ZSWIM9: variants seen among roughly 807,000 people sequenced by gnomAD.
ZSWIM9 encodes zinc finger SWIM-type containing 9.
ZSWIM9 carries 11 observed loss-of-function variants against 25.0 expected under a neutral mutation model. The observed-to-expected ratio is 0.44, with a 90% CI of 0.28 to 0.73. The LOEUF is 0.73. Among genes scored for constraint, ZSWIM9 ranks in the 30% least tolerant of loss-of-function variants. The pLI, the probability that ZSWIM9 is intolerant of heterozygous loss-of-function variation, is 0.16. For synonymous variants in ZSWIM9, 562 were observed against 582.1 expected, an observed-to-expected ratio of 0.97 and a Z score of 0.50; for missense variants, 1,070 against 1,296.5, an observed-to-expected ratio of 0.83 and a Z score of 2.68.
chr19:48,183,773 A>G (rs952941914), intron 3 of ZSWIM9, among the ~76,000 whole-genome samples: 29 of 148,282 alleles, frequency 2.0e-4, no homozygotes, highest in South Asian at 2.1e-4. Flanking sequence ...AGCAGCTGGG[A>G]CAACAGGCGT....
At position 48,171,813 on chromosome 19, in the gene ZSWIM9, C is replaced by G; in HGVS notation, c.11C>G (p.Pro4Arg). The G allele has an allele frequency of 6.5e-7, 1 of 1,532,406 alleles. No individual in the cohort carries two copies. The highest frequency in any genetic ancestry group is 8.7e-7 in the Non-Finnish European group (1 of 1,145,456). 94.9% of individuals were successfully genotyped at this position (1,532,406 alleles called of 1,614,324 possible). Residue 4 changes from proline to arginine, a missense_variant, in exon 2 of 4, where the codon CCG becomes CGG. Coordinates refer to ENST00000614654, the MANE Select transcript of ZSWIM9 (RefSeq NM_199341.4). MER[P>R]EPPPGTAAGQ... ...ACGCAGGCCCCCAGGATGGAGCGGC[C>G]GGAGCCCCCACCCGGCACGGCTGCG...
intron 3 of ZSWIM9, among the ~76,000 whole-genome samples, chr19:48,190,860 AT>A (rs1212855217): frequency 6.6e-6 from 1 of 152,146 alleles, no homozygotes; most frequent in African/African-American, 2.4e-5. Flanking sequence ...ACATGAAGCC[AT>A]TTTGGGGTGT....
In ZSWIM9 at chr19:48,196,974, G is replaced by T. The variant is rs1328797962; in HGVS notation, c.*147G>T. 1 of 810,984 alleles carries T rather than the reference G, an allele frequency of 1.2e-6. No homozygotes were observed. Among genetic ancestry groups the T allele is most frequent in the Non-Finnish European group, 1.7e-6 (1 of 576,708 alleles). 50.2% of individuals were successfully genotyped at this position (810,984 alleles called of 1,614,324 possible). The stretch of plus-strand genomic sequence containing the variant: ...TCCAGGGACCTCCTCATGGCAGTTT[G>T]CCTCTCTGGGTCCAAGGGCAAGCTG... On this transcript the variant is annotated 3_prime_UTR_variant, in exon 4 of 4. Coordinates refer to ENST00000614654, the MANE Select transcript of ZSWIM9 (RefSeq NM_199341.4).
At chr19:48,180,208 G>T (rs544983512) in intron 2 of ZSWIM9, among the ~76,000 whole-genome samples, 3 of 152,046 alleles carry the variant, frequency 2.0e-5, no homozygotes, top group Admixed American at 6.6e-5. Flanking sequence ...TAGAGACCGC[G>T]TTTCTCCATG....
chr19:48,193,359 G>GGATGTATT (rs1453565901), intron 3 of ZSWIM9, among the ~76,000 whole-genome samples: 1 of 152,218 alleles, frequency 6.6e-6, no homozygotes, highest in Non-Finnish European at 1.5e-5. Flanking sequence ...CACTCACTCA[G>GGATGTATT]GATGTATTGA....
At position 48,182,370 on chromosome 19, in the gene ZSWIM9, G is replaced by C. The variant is rs2036956126; in HGVS notation, c.276-85G>C. 2.9e-6 allele frequency: 3 copies of C among 1,031,900 alleles called. No homozygotes were observed. Among genetic ancestry groups the C allele is most frequent in the Non-Finnish European group, 4.0e-6 (3 of 757,468 alleles). The allele number at this position is 1,031,900 out of a possible 1,614,324, so 63.9% of individuals were successfully genotyped here. ...TTCTCTATGCCTGAAACAATTCTTAGTTTAAAAAAAAAAAAAAGGTGAGTG... is the reference window on the plus strand; with the variant it reads ...TTCTCTATGCCTGAAACAATTCTTACTTTAAAAAAAAAAAAAAGGTGAGTG... On this transcript the variant is annotated intron_variant, in intron 2 of 3. Transcript: ENST00000614654. The surrounding 1 kb of genome is among the most constrained non-coding windows in gnomAD (Gnocchi z 4.6).
chr19:48,184,741 C>T (rs751533847), intron 3 of ZSWIM9, among the ~76,000 whole-genome samples: 5 of 152,228 alleles, frequency 3.3e-5, no homozygotes, highest in Non-Finnish European at 4.4e-5. Context: ...CCACCATTCT[C>T]ATCCCCATTT....
At position 48,193,341 on chromosome 19, in the gene ZSWIM9, C is replaced by T. The variant is rs142818465; in HGVS notation, c.589-1312C>T. On this transcript the variant is annotated intron_variant, in intron 3 of 3. Transcript: ENST00000614654. ...CCTTGGACATGGCTGCACACCCTCGCGTGAGTTCACTCACTCAGGATGTAT... is the reference window on the plus strand; with the variant it reads ...CCTTGGACATGGCTGCACACCCTCGTGTGAGTTCACTCACTCAGGATGTAT... 5.6e-3 allele frequency among the ~76,000 whole-genome samples: 848 copies of T among 152,290 alleles called. 4 individuals carry two copies. The highest frequency in any genetic ancestry group is 0.011 in the Non-Finnish European group (721 of 68,034).
At chr19:48,193,748 T>TAAG (rs1306710557) in intron 3 of ZSWIM9, among the ~76,000 whole-genome samples, 2 of 152,216 alleles carry the variant, frequency 1.3e-5, no homozygotes, top group Non-Finnish European at 2.9e-5. Context: ...ATTTGTTGGA[T>TAAG]AAGTAATAAC....
Position 48,194,984 on chromosome 19 carries a change from A to G in ZSWIM9, c.920A>G (p.Gln307Arg). The change falls in exon 4 of 4, where the codon CAG becomes CGG. Residue 307 changes from glutamine (Q) to arginine (R), a missense_variant. Around this residue, in one of 4 missense-constraint regions of ZSWIM9, gnomAD observed 184 missense variants for 243.1 expected, o/e 0.76. Coordinates refer to ENST00000614654, the MANE Select transcript of ZSWIM9 (RefSeq NM_199341.4). This position sits in a 1 kb window ranked among gnomAD's most constrained non-coding sequence, Gnocchi z 6.0. ...EVAAQLPAVR[Q>R]LLPCARVQIC... The stretch of plus-strand genomic sequence containing the variant: ...GCGGCGCAGTTGCCTGCAGTGCGCC[A>G]GCTGCTGCCCTGCGCGCGCGTGCAG... The G allele has an allele frequency of 7.5e-7, 1 of 1,333,496 alleles. No individual in the cohort carries two copies. The highest frequency in any genetic ancestry group is 9.6e-7 in the Non-Finnish European group (1 of 1,045,772). The allele number at this position is 1,333,496 out of a possible 1,614,324, so 82.6% of individuals were successfully genotyped here. A position where few individuals can be genotyped will look rare whatever the true frequency, so the allele number is the denominator to read the frequency against.
At chr19:48,187,438 A>AT (rs1406966880) in intron 3 of ZSWIM9, among the ~76,000 whole-genome samples, 6 of 95,938 alleles carry the variant, frequency 6.3e-5, no homozygotes, top group Admixed American at 5.4e-4. Flanking sequence ...ATTATATTAT[A>AT]TATATTATAT....
chr19:48,171,063 C>T (rs937771913), intron 1 of ZSWIM9, among the ~76,000 whole-genome samples: 1 of 152,102 alleles, frequency 6.6e-6, no homozygotes, highest in Non-Finnish European at 1.5e-5. Flanking sequence ...GAGAACTAGC[C>T]ACAAGTGGGG....
Position 48,182,244 on chromosome 19 carries a change from A to T in ZSWIM9, c.276-211A>T. 1 of 589,006 alleles carries T rather than the reference A, an allele frequency of 1.7e-6. No individual in the cohort carries two copies. The highest frequency in any genetic ancestry group is 4.5e-4 in the Middle Eastern group (1 of 2,218). The allele number at this position is 589,006 out of a possible 1,614,324, so 36.5% of individuals were successfully genotyped here. On this transcript the variant is annotated intron_variant, in intron 2 of 3. Transcript: ENST00000614654. The surrounding 1 kb of genome is among the most constrained non-coding windows in gnomAD (Gnocchi z 4.6). Reference sequence around the variant, plus strand: ...ACGATCCTATGAGGAAGGTATGATGAGTAGGACCTTCCTTGTAACCTATGA... The same window carrying T: ...ACGATCCTATGAGGAAGGTATGATGTGTAGGACCTTCCTTGTAACCTATGA...
In ZSWIM9 at chr19:48,196,018, G is replaced by A. The variant is rs2037159945; in HGVS notation, c.1954G>A (p.Val652Ile). 7.8e-7 allele frequency: 1 copy of A among 1,275,298 alleles called. No homozygotes were observed. Among genetic ancestry groups the A allele is most frequent in the Non-Finnish European group, 9.9e-7 (1 of 1,013,056 alleles). The allele number at this position is 1,275,298 out of a possible 1,614,324, so 79.0% of individuals were successfully genotyped here. The change falls in exon 4 of 4, where the codon GTA (valine) becomes ATA (isoleucine). Residue 652 changes from valine (V) to isoleucine (I), a missense_variant. Val to Ile is a conservative substitution (Grantham distance 29, BLOSUM62 3). Coordinates refer to ENST00000614654, the MANE Select transcript of ZSWIM9 (RefSeq NM_199341.4). ...AGAATGGAAGGGGCCACAGTCAGAAGTAGAGAAGGGGAGGGGGCTGGAGGT... is the reference window on the plus strand; with the variant it reads ...AGAATGGAAGGGGCCACAGTCAGAAATAGAGAAGGGGAGGGGGCTGGAGGT... ...TAEWKGPQSE[V>I]EKGRGLEVRN...
chr19:48,176,586 T>G (rs1204454264), intron 2 of ZSWIM9, among the ~76,000 whole-genome samples: 1 of 152,084 alleles, frequency 6.6e-6, no homozygotes, highest in African/African-American at 2.4e-5. Context: ...TCATCTTTAT[T>G]TCAATCATTC....
At chr19:48,172,124 G>A (rs1221947662) in intron 2 of ZSWIM9, 47 bp downstream of exon 2, 2 of 1,438,466 alleles carry the variant, frequency 1.4e-6, no homozygotes, top group Non-Finnish European at 9.3e-7. Flanking sequence ...GGGGAGCACC[G>A]GGGGTGGGTG....
rs182380034 is a variant in ZSWIM9 at position 48,176,148 on chromosome 19, G to A, written c.275+4071G>A. ...TTGAACCCAGGAGGCGAAGGTTGCAGTGAGCTAAGATTGTGCCACTGCATT... is the reference window on the plus strand; with the variant it reads ...TTGAACCCAGGAGGCGAAGGTTGCAATGAGCTAAGATTGTGCCACTGCATT... On this transcript the variant is annotated intron_variant, in intron 2 of 3. Coordinates refer to ENST00000614654, the MANE Select transcript of ZSWIM9 (RefSeq NM_199341.4). 6.3e-4 allele frequency among the ~76,000 whole-genome samples: 96 copies of A among 152,298 alleles called. No individual in the cohort carries two copies. In the East Asian group the frequency reaches 0.011, roughly 17 times the overall value.
intron 3 of ZSWIM9, among the ~76,000 whole-genome samples, chr19:48,183,383 TC>T (rs1201818503): frequency 6.6e-6 from 1 of 152,006 alleles, no homozygotes; most frequent in Admixed American, 6.6e-5. Flanking sequence ...CGCCTCGGCC[TC>T]CCAAAGTGCT....
chr19:48,186,544 A>G (rs965410784), intron 3 of ZSWIM9: 2 of 153,860 alleles, frequency 1.3e-5, no homozygotes, highest in Non-Finnish European at 2.9e-5. Context: ...CAAGTGATCC[A>G]CTCACCTTGG....
Sources: gnomAD v4.1 joint callset for allele counts (sites outside exome capture counted in the v4.1 genomes callset) on GRCh38, gnomAD v4.1.1 for gene constraint, gnomAD v4.1.1 regional missense constraint, Gnocchi (gnomAD v3.1) non-coding constraint, MANE v1.5 for transcripts, NCBI Gene and HGNC (gene_info 2026-07-23, HGNC 2026-07-21) for gene names.